Variants in LRP1B observed in about 807,000 individuals in gnomAD.
LRP1B encodes the protein low-density lipoprotein receptor-related protein 1B.
A neutral mutation model predicts 556.6 loss-of-function variants in LRP1B; 217 were observed. The ratio of observed to expected loss-of-function variants is 0.39; its 90% CI spans 0.35 to 0.44. The LOEUF (loss-of-function observed/expected upper bound fraction) is 0.44. LRP1B is among the 20% of genes least tolerant of loss of function. LRP1B has a pLI of 1.00. For synonymous variants in LRP1B, 2,047 were observed against 1,865.8 expected, an observed-to-expected ratio of 1.10 and a Z score of -2.50; for missense variants, 5,053 against 5,620.8, an observed-to-expected ratio of 0.90 and a Z score of 3.23.
intron 1 of LRP1B, among the ~76,000 whole-genome samples, chr2:141,990,898 T>C (rs1355025712): frequency 6.6e-6 from 1 of 152,058 alleles, no homozygotes; most frequent in Admixed American, 6.6e-5. Flanking sequence ...ATCAGTGTAA[T>C]TGTACTTAAA....
At chr2:141,451,784 G>A (rs1681431557) in intron 3 of LRP1B, among the ~76,000 whole-genome samples, 1 of 152,134 alleles carries the variant, frequency 6.6e-6, no homozygotes, top group East Asian at 1.9e-4. Context: ...GTCAATAGAA[G>A]TTATTCAGCT....
chr2:140,850,039 T>C (rs2105116877), intron 29 of LRP1B, 63 bp downstream of exon 29: 2 of 1,029,204 alleles, frequency 1.9e-6, no homozygotes, highest in East Asian at 4.8e-5. Flanking sequence ...TATAAAAGAT[T>C]TGTGATTATT....
chr2:141,077,969 T>A (rs1699832888), intron 7 of LRP1B, among the ~76,000 whole-genome samples: 1 of 71,632 alleles, frequency 1.4e-5, no homozygotes, highest in Non-Finnish European at 2.9e-5. Context: ...CAGGTAGGAA[T>A]TTTTTTTTTT....
chr2:140,535,180 T>A (rs549868422), intron 46 of LRP1B, among the ~76,000 whole-genome samples: 1 of 152,198 alleles, frequency 6.6e-6, no homozygotes, highest in East Asian at 1.9e-4. Context: ...AGCTGAACCT[T>A]TACAGAAAAT....
At chr2:141,624,312 C>T (rs1574155811) in intron 2 of LRP1B, among the ~76,000 whole-genome samples, 1 of 151,906 alleles carries the variant, frequency 6.6e-6, no homozygotes, top group East Asian at 1.9e-4. Context: ...CAAATGTTAA[C>T]CATCAGCTAA....
At chr2:141,770,431 T>C (rs996270967) in intron 2 of LRP1B, among the ~76,000 whole-genome samples, 3 of 152,338 alleles carry the variant, frequency 2.0e-5, no homozygotes, top group Middle Eastern at 3.4e-3. Context: ...CCCATGAGTA[T>C]TTAATAATTG....
At chr2:140,797,729 T>C (rs943725366) in intron 32 of LRP1B, among the ~76,000 whole-genome samples, 5 of 152,072 alleles carry the variant, frequency 3.3e-5, no homozygotes, top group African/African-American at 9.7e-5. Context: ...ATATGAAACA[T>C]AAGCTATTTT....
At chr2:140,557,333 T>C (rs773104048) in intron 43 of LRP1B, among the ~76,000 whole-genome samples, 4 of 152,170 alleles carry the variant, frequency 2.6e-5, no homozygotes, top group Non-Finnish European at 4.4e-5. Context: ...TAAAATTAAA[T>C]ATATGCTTTA....
At chr2:140,848,164 A>G (rs1316602513) in intron 29 of LRP1B, among the ~76,000 whole-genome samples, 1 of 152,192 alleles carries the variant, frequency 6.6e-6, no homozygotes, top group East Asian at 1.9e-4. Flanking sequence ...GTCAATCTTC[A>G]GAGACACCTA....
rs766522454 is a variant in LRP1B, at chr2:140,851,819, G to A, written c.4580-36C>T. 53 of 1,565,060 alleles carry A rather than the reference G, an allele frequency of 3.4e-5. No homozygotes were observed. The South Asian group carries it at 5.8e-4, about 17-fold the overall frequency. ...ACAGTGAAATATGAACAGTGAAGAA[G>A]GAAGAATGTATTAGGGAAGCTCTGA... On this transcript the variant is annotated intron_variant, in intron 27 of 90. Transcript: ENST00000389484.
At chr2:141,958,327 G>T (rs1701317597) in intron 1 of LRP1B, among the ~76,000 whole-genome samples, 4 of 151,910 alleles carry the variant, frequency 2.6e-5, no homozygotes, top group Admixed American at 2.0e-4. Context: ...ATTTAAATTT[G>T]CAGTGGCACA....
At chr2:141,884,495 T>G (rs1046861986) in intron 1 of LRP1B, among the ~76,000 whole-genome samples, 2 of 152,220 alleles carry the variant, frequency 1.3e-5, no homozygotes, top group African/African-American at 4.8e-5. Context: ...ACGAAATATG[T>G]GCTACAGTGA....
In LRP1B at chr2:140,828,044, A is replaced by G. The variant is rs574582157; in HGVS notation, c.5209+11947T>C. Among the ~76,000 whole-genome samples the G allele has an allele frequency of 1.3e-3, 204 of 152,254 alleles. 1 individual carries two copies. Among genetic ancestry groups the G allele is most frequent in the African/African-American group, 4.7e-3 (197 of 41,550 alleles). On this transcript the variant is annotated intron_variant, in intron 31 of 90. Coordinates refer to ENST00000389484, the MANE Select transcript of LRP1B (RefSeq NM_018557.3). Reference sequence around the variant, plus strand: ...GCTTTCCTTCAAACATGAAAGAGAAATACAGTCTTTCCCACACAAACAAAA... The same window carrying G: ...GCTTTCCTTCAAACATGAAAGAGAAGTACAGTCTTTCCCACACAAACAAAA...
At chr2:141,545,851 A>C (rs1054874459) in intron 2 of LRP1B, among the ~76,000 whole-genome samples, 1 of 152,178 alleles carries the variant, frequency 6.6e-6, no homozygotes, top group Non-Finnish European at 1.5e-5. Context: ...GAAAGGAAAC[A>C]GATTTCCCCC....
chr2:141,314,826 A>ATATATATG (rs1323342015), intron 3 of LRP1B, among the ~76,000 whole-genome samples: 60 of 119,166 alleles, frequency 5.0e-4, no homozygotes, highest in African/African-American at 1.7e-3. Context: ...ATATATATAT[A>ATATATATG]TGTGTATATA....
chr2:141,221,654 TA>T (rs1475235565), intron 6 of LRP1B, among the ~76,000 whole-genome samples: 2 of 152,156 alleles, frequency 1.3e-5, no homozygotes, highest in African/African-American at 4.8e-5. Context: ...GCACTTGCTC[TA>T]AAATGGATCA....
At chr2:140,755,165 G>A (rs1452244817) in intron 35 of LRP1B, among the ~76,000 whole-genome samples, 2 of 151,922 alleles carry the variant, frequency 1.3e-5, no homozygotes, top group Non-Finnish European at 2.9e-5. Flanking sequence ...TAAAGAAATT[G>A]AATTGTAAAT....
chr2:140,372,355 T>C (rs1479728209), intron 69 of LRP1B, among the ~76,000 whole-genome samples: 15 of 152,078 alleles, frequency 9.9e-5, no homozygotes, highest in Admixed American at 9.8e-4. Flanking sequence ...CTTGTACTTG[T>C]GATTCTGACC....
chr2:141,564,445 G>A (rs1483190799), intron 2 of LRP1B, among the ~76,000 whole-genome samples: 1 of 152,108 alleles, frequency 6.6e-6, no homozygotes, highest in Admixed American at 6.6e-5. Context: ...AACTAGTGAG[G>A]CTAGTAGTGC....
Sources: gnomAD v4.1 joint callset for allele counts (sites outside exome capture counted in the v4.1 genomes callset) on GRCh38, gnomAD v4.1.1 for gene constraint, MANE v1.5 for transcripts, NCBI Gene and HGNC (gene_info 2026-07-23, HGNC 2026-07-21) for gene names.